EFCAB11: variants seen among roughly 807,000 people sequenced by gnomAD.
EFCAB11 encodes EF-hand calcium-binding domain-containing protein 11.
A neutral mutation model predicts 23.0 loss-of-function variants in EFCAB11; 14 were observed. The ratio of observed to expected loss-of-function variants is 0.61; its 90% CI spans 0.40 to 0.95. EFCAB11 has a LOEUF of 0.95. Ranked by LOEUF, EFCAB11 falls within the 40% of genes least tolerant of loss-of-function variation. The pLI is 0.00. For missense variants in EFCAB11, 198 were observed against 195.8 expected (o/e 1.01, Z -0.07); for synonymous variants, 65 against 66.6 (o/e 0.98, Z 0.11).
At chr14:89,815,301 ATTTG>A (rs1284630902) in intron 5 of EFCAB11, among the ~76,000 whole-genome samples, 2 of 152,178 alleles carry the variant, frequency 1.3e-5, no homozygotes, top group African/African-American at 4.8e-5. Context: ...CATGTGAAAA[ATTTG>A]TTTAAGTTCT....
At chr14:89,937,589 G>T (rs999181924) in intron 3 of EFCAB11, among the ~76,000 whole-genome samples, 2 of 152,052 alleles carry the variant, frequency 1.3e-5, no homozygotes, top group Non-Finnish European at 2.9e-5. Context: ...GCTACAGCGC[G>T]ATCTTGGCTC....
intron 5 of EFCAB11, among the ~76,000 whole-genome samples, chr14:89,887,609 A>G (rs1888832509): frequency 6.6e-6 from 1 of 152,254 alleles, no homozygotes; most frequent in African/African-American, 2.4e-5. Context: ...AACACTGAAA[A>G]TAAATAACAA....
intron 3 of EFCAB11, 112 bp from the exon 4 acceptor site, chr14:89,932,739 A>AT (rs1890438975): frequency 2.3e-6 from 2 of 886,126 alleles, no homozygotes; most frequent in Non-Finnish European, 1.7e-6. Flanking sequence ...TTTTATCTTA[A>AT]TTTTGGTGAA....
intron 5 of EFCAB11, among the ~76,000 whole-genome samples, chr14:89,806,085 T>C (rs554288762): frequency 3.3e-5 from 5 of 152,240 alleles, no homozygotes; most frequent in Admixed American, 2.0e-4. Context: ...GGAACTAATA[T>C]ATATTTTCCC....
At position 89,931,331 on chromosome 14, in the gene EFCAB11, G is replaced by A. The variant is rs148345985; in HGVS notation, c.410+210C>T. 2.3e-4 allele frequency: 120 copies of A among 516,214 alleles called. 1 individual carries two copies. In the East Asian group the frequency reaches 3.5e-3, roughly 15 times the overall value. 32.0% of individuals were successfully genotyped at this position (516,214 alleles called of 1,614,324 possible). Reference sequence around the variant, plus strand: ...GTATGCACCTGCCTGGTGTGCAAGCGCTCCCCCAACTTTACAGTTCACTGT... The same window carrying A: ...GTATGCACCTGCCTGGTGTGCAAGCACTCCCCCAACTTTACAGTTCACTGT... On this transcript the variant is annotated intron_variant, in intron 5 of 5. Coordinates refer to ENST00000316738, the MANE Select transcript of EFCAB11 (RefSeq NM_145231.4).
chr14:89,874,475 G>T (rs1194803745), intron 5 of EFCAB11, among the ~76,000 whole-genome samples: 1 of 152,152 alleles, frequency 6.6e-6, no homozygotes, highest in African/African-American at 2.4e-5. Context: ...CCCAGAAAAT[G>T]GGTTTTTCTT....
chr14:89,874,925 T>A (rs868486799), intron 5 of EFCAB11, among the ~76,000 whole-genome samples: 2 of 151,336 alleles, frequency 1.3e-5, no homozygotes, highest in African/African-American at 2.4e-5. Context: ...ACCTCTTGAA[T>A]GCTTTGCTGC....
At chr14:89,899,695 A>C (rs1383554762) in intron 5 of EFCAB11, among the ~76,000 whole-genome samples, 1 of 152,228 alleles carries the variant, frequency 6.6e-6, no homozygotes, top group Non-Finnish European at 1.5e-5. Context: ...GGAAATTGAC[A>C]TTGAACAGGA....
chr14:89,834,065 A>T lies in EFCAB11; in HGVS notation c.411-36741T>A, dbSNP rs2140117751. Among the ~76,000 whole-genome samples the T allele has an allele frequency of 1.3e-5, 2 of 152,150 alleles. 1 individual carries two copies. Among genetic ancestry groups the T allele is most frequent in the South Asian group, 4.1e-4 (2 of 4,824 alleles). ...TTGGAAATGTGTATCCCTTAAAGAA[A>T]AGTTTGTGGCCGTGTGTGGTGGCTC... On this transcript the variant is annotated intron_variant, in intron 5 of 5. Coordinates refer to ENST00000316738, the MANE Select transcript of EFCAB11 (RefSeq NM_145231.4).
chr14:89,937,670 T>C (rs973008631), intron 3 of EFCAB11, among the ~76,000 whole-genome samples: 1 of 152,018 alleles, frequency 6.6e-6, no homozygotes, highest in African/African-American at 2.4e-5. Context: ...GGATTACAGG[T>C]GTGTGCCATC....
At chr14:89,866,704 A>AG (rs1888103533) in intron 5 of EFCAB11, among the ~76,000 whole-genome samples, 1 of 152,230 alleles carries the variant, frequency 6.6e-6, no homozygotes, top group South Asian at 2.1e-4. Flanking sequence ...CAGCTCAATC[A>AG]GGCCCCGGGC....
intron 5 of EFCAB11, among the ~76,000 whole-genome samples, chr14:89,885,804 A>G (rs1888749472): frequency 6.6e-6 from 1 of 151,740 alleles, no homozygotes; most frequent in South Asian, 2.1e-4. Flanking sequence ...AGAAGACAGC[A>G]ACTAAAAGAA....
chr14:89,947,885 G>A (rs943277584), intron 3 of EFCAB11, among the ~76,000 whole-genome samples: 1 of 152,042 alleles, frequency 6.6e-6, no homozygotes, highest in Non-Finnish European at 1.5e-5. Context: ...ACTTACTTCT[G>A]AAATTCATCC....
intron 5 of EFCAB11, chr14:89,892,577 G>A: frequency 1.3e-6 from 1 of 742,158 alleles, no homozygotes; most frequent in Non-Finnish European, 2.1e-6. Flanking sequence ...CATGCTTCCT[G>A]GATTTTAGAG....
intron 5 of EFCAB11, among the ~76,000 whole-genome samples, chr14:89,858,827 A>C (rs1176763919): frequency 1.3e-5 from 2 of 152,058 alleles, no homozygotes; most frequent in Non-Finnish European, 2.9e-5. Flanking sequence ...TTCTTAGTTA[A>C]AAAACAATTA....
In EFCAB11 at chr14:89,932,527, G is replaced by A. The variant is rs759385991; in HGVS notation, c.318C>T (p.Tyr106=). The A allele has an allele frequency of 1.2e-6, 2 of 1,612,800 alleles. No individual in the cohort carries two copies. The highest frequency in any genetic ancestry group is 2.2e-5 in the South Asian group (2 of 90,956). ...TCAAAACACTTTAGAGACACTTACAGTAGGTGTCAAAGGCTGTGAAGATGT... is the reference window on the plus strand; with the variant it reads ...TCAAAACACTTTAGAGACACTTACAATAGGTGTCAAAGGCTGTGAAGATGT... The part of the protein sequence containing the change: ...VRHIFTAFDT[Y]YRGFLTLEDF... The change falls in exon 4 of 6, where the codon TAC becomes TAT. Residue 106 remains tyrosine (Y), a splice_region_variant and synonymous_variant. Coordinates refer to ENST00000316738, the MANE Select transcript of EFCAB11 (RefSeq NM_145231.4).
At chr14:89,880,680 G>T (rs1475767054) in intron 5 of EFCAB11, among the ~76,000 whole-genome samples, 1 of 152,196 alleles carries the variant, frequency 6.6e-6, no homozygotes, top group South Asian at 2.1e-4. Context: ...CACACCAGCT[G>T]TGTCAGTCTA....
At chr14:89,814,203 T>C (rs1886250148) in intron 5 of EFCAB11, among the ~76,000 whole-genome samples, 1 of 152,070 alleles carries the variant, frequency 6.6e-6, no homozygotes, top group Non-Finnish European at 1.5e-5. Flanking sequence ...AGTGAGAACT[T>C]TTCATGTCTT....
intron 3 of EFCAB11, among the ~76,000 whole-genome samples, chr14:89,945,667 C>T (rs1296632730): frequency 6.6e-6 from 1 of 152,132 alleles, no homozygotes; most frequent in Non-Finnish European, 1.5e-5. Context: ...ATTAAATATA[C>T]TGTGTAGACT....
Sources: gnomAD v4.1 joint callset for allele counts (sites outside exome capture counted in the v4.1 genomes callset) on GRCh38, gnomAD v4.1.1 for gene constraint, MANE v1.5 for transcripts, NCBI Gene and HGNC (gene_info 2026-07-23, HGNC 2026-07-21) for gene names.